The following NAV1 variants were observed in gnomAD, a reference collection of about 807,000 sequenced individuals.
NAV1 encodes the protein neuron navigator 1.
Under a neutral mutation model 175.2 loss-of-function variants are expected in NAV1, and 18 were observed. That is an observed-to-expected ratio of 0.10 (90% confidence interval 0.07 to 0.15). NAV1 has a LOEUF of 0.15. Ranked by LOEUF, NAV1 falls within the 10% of genes least tolerant of loss-of-function variation. NAV1 has a pLI of 1.00. For missense variants in NAV1, 1,731 were observed against 2,436.6 expected (o/e 0.71, Z 6.10); for synonymous variants, 897 against 978.7 (o/e 0.92, Z 1.56).
chr1:201,718,592 T>C lies in NAV1; in HGVS notation c.1063T>C (p.Ser355Pro). The C allele has an allele frequency of 1.2e-6, 2 of 1,614,072 alleles. No individual in the cohort carries two copies. Among genetic ancestry groups the C allele is most frequent in the Non-Finnish European group, 1.7e-6 (2 of 1,180,020 alleles). The change falls in exon 3 of 30, where the codon TCC (serine) becomes CCC (proline). Residue 355 changes from serine (S) to proline (P), a missense_variant. Physicochemically the swap from Ser to Pro is moderately conservative, Grantham distance 74 (BLOSUM62 -1). Around this residue, in one of 13 missense-constraint regions of NAV1, gnomAD observed 487 missense variants for 581.3 expected, o/e 0.84. Transcript: ENST00000367296. The surrounding 1 kb of genome is among the most constrained non-coding windows in gnomAD (Gnocchi z 4.8). The stretch of plus-strand genomic sequence containing the variant: ...CATGCACGGCGAACGGGCCCACTAC[T>C]CCCACACCATGCCCATGCGCAGCCC...
chr1:201,672,380 C>T (rs1670075421), intron 1 of NAV1, among the ~76,000 whole-genome samples: 1 of 152,056 alleles, frequency 6.6e-6, no homozygotes, highest in Admixed American at 6.6e-5. Context: ...TTGAAAAGTC[C>T]CTGGCCTAAA....
chr1:201,546,266 TTTTGTGC>T (rs1665669422), intron 1 of NAV1, among the ~76,000 whole-genome samples: 1 of 152,190 alleles, frequency 6.6e-6, no homozygotes, highest in Non-Finnish European at 1.5e-5. Context: ...GACCCTGGCT[TTTTGTGC>T]TCTTCATCGC....
At chr1:201,650,593 C>T (rs556637) in intron 1 of NAV1, among the ~76,000 whole-genome samples, 9,919 of 152,188 alleles carry the variant, frequency 0.065, 328 homozygotes, top group Non-Finnish European at 0.077. Context: ...ACGGGCTTGG[C>T]GGGTGGGGAA....
At chr1:201,790,095 A>G (rs1203505510) in intron 11 of NAV1, among the ~76,000 whole-genome samples, 1 of 152,180 alleles carries the variant, frequency 6.6e-6, no homozygotes, top group Non-Finnish European at 1.5e-5. Context: ...GCCATGGTAG[A>G]TGGGAAGCTT....
chr1:201,741,846 C>T (rs1673442224), intron 3 of NAV1, among the ~76,000 whole-genome samples: 1 of 152,194 alleles, frequency 6.6e-6, no homozygotes, highest in Non-Finnish European at 1.5e-5. Context: ...ATAAAGAGAG[C>T]TTAGTGCCCT....
chr1:201,744,828 A>G (rs1440912020), intron 3 of NAV1, among the ~76,000 whole-genome samples: 1 of 152,192 alleles, frequency 6.6e-6, no homozygotes, highest in Non-Finnish European at 1.5e-5. Context: ...ACCCATCATC[A>G]CTGTGCCTTC....
At chr1:201,617,206 G>GTCTCTCTC (rs3054501) in intron 2 of NAV1, among the ~76,000 whole-genome samples, 89 of 138,224 alleles carry the variant, frequency 6.4e-4, no homozygotes, top group South Asian at 4.9e-3. Context: ...CAATCTCTCT[G>GTCTCTCTC]TCTCTCTCTC....
intron 3 of NAV1, among the ~76,000 whole-genome samples, chr1:201,732,110 T>TC (rs1407053477): frequency 4.2e-5 from 6 of 141,274 alleles, no homozygotes; most frequent in South Asian, 2.2e-4. Context: ...TCTCTCTCTC[T>TC]TTTTTTTTTT....
chr1:201,679,268 C>T (rs904488738), intron 1 of NAV1, among the ~76,000 whole-genome samples: 1 of 152,166 alleles, frequency 6.6e-6, no homozygotes, highest in Non-Finnish European at 1.5e-5. Context: ...GAACCAGAAA[C>T]CCTGGTCCTC....
intron 3 of NAV1, among the ~76,000 whole-genome samples, chr1:201,775,624 A>G (rs1056054084): frequency 6.6e-6 from 1 of 152,250 alleles, no homozygotes; most frequent in East Asian, 1.9e-4. Context: ...GGAACCAGAA[A>G]CTATGCAAGG....
intron 1 of NAV1, among the ~76,000 whole-genome samples, chr1:201,685,672 C>T (rs1343115749): frequency 6.6e-6 from 1 of 152,216 alleles, no homozygotes; most frequent in Non-Finnish European, 1.5e-5. Flanking sequence ...CATTTTTCCT[C>T]TGTGGTGATA....
intron 29 of NAV1, among the ~76,000 whole-genome samples, chr1:201,819,628 G>A (rs114540254): frequency 1.2e-3 from 183 of 152,094 alleles, no homozygotes; most frequent in African/African-American, 4.1e-3. Context: ...GTGCCACCAC[G>A]CCTGGCCAGT....
chr1:201,655,319 A>G (rs1329376702), intron 1 of NAV1, among the ~76,000 whole-genome samples: 2 of 152,338 alleles, frequency 1.3e-5, no homozygotes, highest in African/African-American at 4.8e-5. Context: ...GAGCCAGCCA[A>G]CAAGGGGAAA....
chr1:201,739,490 T>A (rs1673263103), intron 3 of NAV1: 1 of 152,702 alleles, frequency 6.5e-6, no homozygotes, highest in African/African-American at 2.4e-5. Flanking sequence ...GAGGAAGCCC[T>A]CTATGGAGAA....
chr1:201,586,321 T>A (rs956758497), intron 1 of NAV1, among the ~76,000 whole-genome samples: 17 of 151,970 alleles, frequency 1.1e-4, no homozygotes, highest in Non-Finnish European at 4.4e-5. Flanking sequence ...AATGGAGAGT[T>A]ATTTTTTAAT....
chr1:201,543,820 C>A (rs370624355), intron 1 of NAV1, among the ~76,000 whole-genome samples: 258 of 152,324 alleles, frequency 1.7e-3, no homozygotes, highest in Non-Finnish European at 2.7e-3. Flanking sequence ...TAAAGAGTAA[C>A]TCTCCATTCC....
At chr1:201,770,756 A>G (rs1675520777) in intron 3 of NAV1, among the ~76,000 whole-genome samples, 1 of 152,162 alleles carries the variant, frequency 6.6e-6, no homozygotes, top group Non-Finnish European at 1.5e-5. Flanking sequence ...AGCCCTAATT[A>G]TAGAGCAAAT....
At chr1:201,650,051 G>T (rs901940188) in intron 1 of NAV1, among the ~76,000 whole-genome samples, 4 of 152,230 alleles carry the variant, frequency 2.6e-5, no homozygotes, top group Non-Finnish European at 5.9e-5. Flanking sequence ...CCTCAGCCCC[G>T]GCTCTGGCCC....
chr1:201,584,744 A>G (rs532024486), intron 1 of NAV1, among the ~76,000 whole-genome samples: 1 of 152,302 alleles, frequency 6.6e-6, no homozygotes, highest in Non-Finnish European at 1.5e-5. Flanking sequence ...GGGCCAGTCC[A>G]GATGCTCCAC....
Sources: allele counts gnomAD v4.1 joint callset (sites outside exome capture counted in the v4.1 genomes callset), GRCh38; gene constraint gnomAD v4.1.1; regional missense constraint gnomAD v4.1.1; non-coding constraint Gnocchi (gnomAD v3.1); transcripts MANE v1.5; gene names NCBI Gene and HGNC (gene_info 2026-07-23, HGNC 2026-07-21).